The following ZNF423 variants were observed in gnomAD, a reference collection of about 807,000 sequenced individuals.
The protein encoded by ZNF423 is zinc finger protein 423.
In ZNF423, 12 loss-of-function variants were observed where a neutral mutation model predicts 95.8. The ratio of observed to expected loss-of-function variants is 0.13; its 90% CI spans 0.08 to 0.20. ZNF423 has a LOEUF of 0.20. ZNF423 is among the 10% of genes least tolerant of loss of function. The pLI is 1.00. For missense variants in ZNF423, 1,316 were observed against 1,737.1 expected (o/e 0.76, Z 4.31); for synonymous variants, 749 against 711.9 (o/e 1.05, Z -0.83).
chr16:49,758,779 C>T (rs1434303798), intron 2 of ZNF423, among the ~76,000 whole-genome samples: 5 of 152,124 alleles, frequency 3.3e-5, no homozygotes, highest in Admixed American at 3.3e-4. Flanking sequence ...AAATTACTCC[C>T]TCATGTTCCT....
intron 1 of ZNF423, among the ~76,000 whole-genome samples, chr16:49,790,448 G>A (rs2034393973): frequency 6.6e-6 from 1 of 152,240 alleles, no homozygotes; most frequent in South Asian, 2.1e-4. Context: ...AGGGGTGTCT[G>A]AGGTCTTACA....
intron 4 of ZNF423, among the ~76,000 whole-genome samples, chr16:49,632,587 G>A (rs1054732000): frequency 6.6e-6 from 1 of 152,084 alleles, no homozygotes; most frequent in Non-Finnish European, 1.5e-5. Context: ...GGGCCCCCAG[G>A]AAACACGGTC....
chr16:49,661,924 G>A (rs142519295), intron 3 of ZNF423, among the ~76,000 whole-genome samples: 84 of 152,276 alleles, frequency 5.5e-4, no homozygotes, highest in African/African-American at 1.9e-3. Flanking sequence ...CTGCCTCCTC[G>A]GGTTGTGCAC....
intron 2 of ZNF423, among the ~76,000 whole-genome samples, chr16:49,732,255 C>T (rs2143405901): frequency 6.6e-6 from 1 of 152,250 alleles, no homozygotes; most frequent in South Asian, 2.1e-4. Context: ...GAGCACAGCC[C>T]CAATCTTACA....
intron 3 of ZNF423, among the ~76,000 whole-genome samples, chr16:49,656,685 C>A (rs1373491396): frequency 6.6e-6 from 1 of 152,174 alleles, no homozygotes; most frequent in Admixed American, 6.5e-5. Context: ...TATTCTATAT[C>A]ATACATTGCA....
chr16:49,508,247 C>T (rs552975809), intron 7 of ZNF423, among the ~76,000 whole-genome samples: 9 of 152,230 alleles, frequency 5.9e-5, no homozygotes, highest in South Asian at 4.2e-4. Context: ...ACCAGCTAGG[C>T]GCATGGCTCA....
intron 5 of ZNF423, among the ~76,000 whole-genome samples, chr16:49,544,653 T>C (rs1969377267): frequency 6.6e-6 from 1 of 152,278 alleles, no homozygotes; most frequent in South Asian, 2.1e-4. Flanking sequence ...CAGGCTGAGA[T>C]GTGGAGGCAG....
intron 4 of ZNF423, among the ~76,000 whole-genome samples, chr16:49,633,398 G>C (rs1254566434): frequency 1.3e-5 from 2 of 152,194 alleles, no homozygotes; most frequent in Non-Finnish European, 2.9e-5. Context: ...GTTCACAAAT[G>C]ATGGGGAACA....
chr16:49,652,387 G>A lies in ZNF423; in HGVS notation c.302-13513C>T, dbSNP rs114526100. On this transcript the variant is annotated intron_variant, in intron 3 of 7. Coordinates refer to ENST00000563137, the MANE Select transcript of ZNF423 (RefSeq NM_001379286.1). The stretch of plus-strand genomic sequence containing the variant: ...AAAGCCAGTGCTCATCAGCTCACCC[G>A]AGAGCTGGCTGTGATCAAACTTGCT... Among the ~76,000 whole-genome samples the A allele has an allele frequency of 5.1e-3, 775 of 151,152 alleles. 9 individuals carry two copies. Among genetic ancestry groups the A allele is most frequent in the African/African-American group, 0.018 (752 of 41,226 alleles).
At chr16:49,812,728 T>A (rs2034773628) in intron 1 of ZNF423, among the ~76,000 whole-genome samples, 1 of 152,034 alleles carries the variant, frequency 6.6e-6, no homozygotes, top group East Asian at 1.9e-4. Context: ...AGTACTGAAG[T>A]AGCTGATTTG....
rs540789281 is a variant in ZNF423 at position 49,809,583 on chromosome 16, G to A, written c.41-20037C>T. On this transcript the variant is annotated intron_variant, in intron 1 of 7. Transcript: ENST00000563137. ...GGGACTTTGGGGAAAAGGAGAATCC[G>A]AGAGAAAGGTCCCAGAGGCTCCGCT... 7.9e-5 allele frequency among the ~76,000 whole-genome samples: 12 copies of A among 152,334 alleles called. No homozygotes were observed. The South Asian group carries it at 1.5e-3, about 18-fold the overall frequency.
intron 5 of ZNF423, among the ~76,000 whole-genome samples, chr16:49,561,732 G>A (rs1031957941): frequency 1.1e-4 from 16 of 152,072 alleles, no homozygotes; most frequent in East Asian, 3.8e-4. Context: ...CATTAAGTGC[G>A]GTATAGGGCA....
intron 3 of ZNF423, among the ~76,000 whole-genome samples, chr16:49,664,694 G>A (rs938583264): frequency 4.6e-5 from 7 of 152,208 alleles, no homozygotes; most frequent in African/African-American, 1.7e-4. Flanking sequence ...CTGTCTGCGG[G>A]AAGCAGCTCT....
chr16:49,855,791 G>T lies in ZNF423; in HGVS notation c.-17C>A, dbSNP rs542553968. The T allele has an allele frequency of 2.6e-3, 386 of 150,588 alleles. 5 individuals carry two copies. Among genetic ancestry groups the T allele is most frequent in the Non-Finnish European group, 4.3e-3 (288 of 67,748 alleles). The allele number at this position is 150,588 out of a possible 1,614,324, so 9.3% of individuals were successfully genotyped here. A position where few individuals can be genotyped will look rare whatever the true frequency, so the allele number is the denominator to read the frequency against. On this transcript the variant is annotated 5_prime_UTR_variant, in exon 1 of 8. Transcript: ENST00000563137. This position sits in a 1 kb window ranked among gnomAD's most constrained non-coding sequence, Gnocchi z 4.7. ...CCTGGACATGTCCGGGGCTCCGGGC[G>T]CTCCGTCGCCCTCCGCAGCCGGCTC...
chr16:49,585,246 G>A (rs1268175243), intron 5 of ZNF423, among the ~76,000 whole-genome samples: 11 of 152,154 alleles, frequency 7.2e-5, no homozygotes, highest in Non-Finnish European at 1.3e-4. Flanking sequence ...ATAAAGAGCC[G>A]TGGCTGCCCC....
chr16:49,534,095 T>C (rs1968962862), intron 5 of ZNF423, among the ~76,000 whole-genome samples: 2 of 152,026 alleles, frequency 1.3e-5, no homozygotes, highest in South Asian at 2.1e-4. Context: ...CTATGAACCA[T>C]TGCACCCCAG....
At chr16:49,858,718 C>CT (rs1491309002), upstream of ZNF423, among the ~76,000 whole-genome samples, 1 of 4,170 alleles carries the variant, frequency 2.4e-4, no homozygotes, top group Admixed American at 3.3e-3. The surrounding 1 kb of genome is among the most constrained non-coding windows in gnomAD (Gnocchi z 4.3). Flanking sequence ...GGAATAGGAG[C>CT]CCCCCCCCCC....
chr16:49,568,041 GC>G (rs1320733757), intron 5 of ZNF423, among the ~76,000 whole-genome samples: 4 of 152,212 alleles, frequency 2.6e-5, no homozygotes, highest in Non-Finnish European at 4.4e-5. Flanking sequence ...TGTGATTCAG[GC>G]CTGGCCAATT....
intron 3 of ZNF423, among the ~76,000 whole-genome samples, chr16:49,700,223 A>C (rs1339509348): frequency 6.6e-6 from 1 of 151,238 alleles, no homozygotes; most frequent in Non-Finnish European, 1.5e-5. Flanking sequence ...AAAAACAAGA[A>C]GAAGAAGAAG....
Sources: gnomAD v4.1 joint callset for allele counts (sites outside exome capture counted in the v4.1 genomes callset) on GRCh38, gnomAD v4.1.1 for gene constraint, Gnocchi (gnomAD v3.1) non-coding constraint, MANE v1.5 for transcripts, NCBI Gene and HGNC (gene_info 2026-07-23, HGNC 2026-07-21) for gene names.